Variants in ENOX2 observed in about 807,000 individuals in gnomAD.
ENOX2 encodes the protein ecto-NOX disulfide-thiol exchanger 2, also known as APK1 antigen.
Under a neutral mutation model 45.0 loss-of-function variants are expected in ENOX2, and 36 were observed. That is an observed-to-expected ratio of 0.80 (90% CI 0.61 to 1.06). The LOEUF (loss-of-function observed/expected upper bound fraction) is 1.06. Among genes scored for constraint, ENOX2 ranks in the 50% least tolerant of loss-of-function variants. ENOX2 has a pLI of 0.00. For synonymous variants in ENOX2, 174 were observed against 152.3 expected (o/e 1.14, Z -1.05); for missense variants, 423 against 462.5 (o/e 0.91, Z 0.78).
chrX:130,667,477 G>A lies in ENOX2; in HGVS notation c.907+53C>T, dbSNP rs2036863390. The A allele has an allele frequency of 1.0e-5, 11 of 1,090,521 alleles. No homozygotes were observed. The Admixed American group carries it at 2.2e-4, about 22-fold the overall frequency. The allele number at this position is 1,090,521 out of a possible 1,213,427, so 89.9% of individuals were successfully genotyped here. ...GCCTGAGCTCCCATAGAGAGCAAGTGACTAAGTGAAGTGACTTATTCTCAT... is the reference window on the plus strand; with the variant it reads ...GCCTGAGCTCCCATAGAGAGCAAGTAACTAAGTGAAGTGACTTATTCTCAT... On this transcript the variant is annotated intron_variant, in intron 8 of 14. Transcript: ENST00000394363.
Position 130,665,701 on chromosome X carries a change from C to A in ENOX2, c.956G>T (p.Trp319Leu). 8.3e-7 allele frequency: 1 copy of A among 1,206,439 alleles called. No homozygotes were observed. The highest frequency in any genetic ancestry group is 1.1e-6 in the Non-Finnish European group (1 of 892,744). Residue 319 changes from tryptophan (W) to leucine (L), a missense_variant, in exon 9 of 15, where the codon TGG becomes TTG. By Grantham distance (61) the Trp-to-Leu change is moderately conservative (BLOSUM62 -2). This residue lies in a region of ENOX2 where 261 missense variants were observed against 306.8 expected (regional missense o/e 0.85). Transcript: ENST00000394363. ...VYHSASKQKAWDHFTKAQRKN... is the reference protein window; with the variant it reads ...VYHSASKQKALDHFTKAQRKN... ...CCGCTGGGCTTTTGTGAAGTGGTCC[C>A]ATGCCTTCTGCTTGGAGGCGGAATG...
Position 130,670,069 on chromosome X carries a change from C to T in ENOX2, c.590G>A (p.Arg197His), listed in dbSNP as rs745808039. The T allele has an allele frequency of 1.5e-5, 18 of 1,208,722 alleles. No individual in the cohort carries two copies. Among genetic ancestry groups the T allele is most frequent in the South Asian group, 3.5e-5 (2 of 56,760 alleles). Residue 197 changes from arginine to histidine, a missense_variant, in exon 7 of 15, where the codon CGC (arginine) becomes CAC (histidine). Physicochemically the swap from Arg to His is conservative, Grantham distance 29. Transcript: ENST00000394363. ...CKQRMLAREERHRRRMEEERL... is the reference protein window; with the variant it reads ...CKQRMLAREEHHRRRMEEERL... ...TTCTTCTTCCATTCTTCTACGATGG[C>T]GCTCCTCTCTGGCTAGCATACGCTG...
At chrX:130,835,963 T>C (rs2077921259) in intron 2 of ENOX2, among the ~76,000 whole-genome samples, 1 of 112,614 alleles carries the variant, frequency 8.9e-6, no homozygotes, top group Non-Finnish European at 1.9e-5. Context: ...CTTCCTGTGA[T>C]AGCAAATGGA....
rs772436394 is a variant in ENOX2, at chrX:130,657,109, A to G, written c.1015-414T>C. The stretch of plus-strand genomic sequence containing the variant: ...CTGTCTTTTTATAGTTTTACTCAAC[A>G]TAACTCTTAATTGAGTTTTTGTAGT... On this transcript the variant is annotated intron_variant, in intron 9 of 14. Coordinates refer to ENST00000394363, the MANE Select transcript of ENOX2 (RefSeq NM_006375.4). 5.4e-5 allele frequency among the ~76,000 whole-genome samples: 6 copies of G among 112,071 alleles called. No individual in the cohort carries two copies. The South Asian group carries it at 1.9e-3, about 35-fold the overall frequency.
intron 2 of ENOX2, among the ~76,000 whole-genome samples, chrX:130,889,214 C>T (rs865828682): frequency 6.0e-4 from 67 of 111,412 alleles, no homozygotes; most frequent in African/African-American, 2.0e-3. Flanking sequence ...CAGCCAAATC[C>T]CACATGTCCT....
At chrX:130,639,328 G>A (rs752584313) in intron 10 of ENOX2, among the ~76,000 whole-genome samples, 1 of 111,757 alleles carries the variant, frequency 8.9e-6, no homozygotes, top group African/African-American at 3.3e-5. Context: ...TGTGTGTGTG[G>A]GTGGGGGGTG....
intron 2 of ENOX2, among the ~76,000 whole-genome samples, chrX:130,819,926 G>C (rs958981327): frequency 1.8e-5 from 2 of 111,629 alleles, no homozygotes; most frequent in African/African-American, 6.5e-5. Context: ...TGATTTTAGG[G>C]ATAGGACCCC....
intron 3 of ENOX2, among the ~76,000 whole-genome samples, chrX:130,726,060 C>T (rs2038597230): frequency 1.8e-5 from 2 of 112,036 alleles, no homozygotes; most frequent in Admixed American, 1.9e-4. Flanking sequence ...ATCGTATATA[C>T]CTTACTGTCT....
In ENOX2 at chrX:130,637,415, C is replaced by A; in HGVS notation, c.1130-5G>T. On this transcript the variant is annotated splice_polypyrimidine_tract_variant and splice_region_variant and intron_variant, in intron 10 of 14. Coordinates refer to ENST00000394363, the MANE Select transcript of ENOX2 (RefSeq NM_006375.4). ...CTTCTGCCTGTGATACTAAGGCTAACAATCAATATAAAATATGAAACCATA... is the reference window on the plus strand; with the variant it reads ...CTTCTGCCTGTGATACTAAGGCTAAAAATCAATATAAAATATGAAACCATA... The A allele has an allele frequency of 1.7e-6, 2 of 1,191,487 alleles. No individual in the cohort carries two copies. Among genetic ancestry groups the A allele is most frequent in the Non-Finnish European group, 2.3e-6 (2 of 879,598 alleles).
intron 3 of ENOX2, among the ~76,000 whole-genome samples, chrX:130,763,613 AATCC>A (rs1440397460): frequency 9.0e-6 from 1 of 111,070 alleles, no homozygotes; most frequent in Non-Finnish European, 1.9e-5. Context: ...TCACACCTGT[AATCC>A]TAGCACTTTG....
Position 130,787,988 on chromosome X carries a change from T to C in ENOX2, c.-182-4298A>G, listed in dbSNP as rs193185524. 1.8e-3 allele frequency among the ~76,000 whole-genome samples: 198 copies of C among 112,120 alleles called. 1 individual carries two copies. The highest frequency in any genetic ancestry group is 5.9e-3 in the African/African-American group (183 of 30,924). Reference sequence around the variant, plus strand: ...GGATGAAAGAGACAGCAAAATCCTATGACACCAGTGCTTCCTAGCTACTTT... The same window carrying C: ...GGATGAAAGAGACAGCAAAATCCTACGACACCAGTGCTTCCTAGCTACTTT... On this transcript the variant is annotated intron_variant, in intron 2 of 14. Coordinates refer to ENST00000394363, the MANE Select transcript of ENOX2 (RefSeq NM_006375.4).
intron 10 of ENOX2, chrX:130,645,785 G>C: frequency 4.9e-6 from 4 of 819,217 alleles, no homozygotes; most frequent in Non-Finnish European, 7.2e-6. Context: ...TTCTCGTCCT[G>C]GTCTTTGGGC....
At chrX:130,873,665 C>T (rs1276993538) in intron 2 of ENOX2, among the ~76,000 whole-genome samples, 1 of 111,887 alleles carries the variant, frequency 8.9e-6, no homozygotes, top group East Asian at 2.8e-4. Flanking sequence ...AAATGATAGA[C>T]TGGATAAAGA....
chrX:130,790,391 C>T (rs1485474848), intron 2 of ENOX2, among the ~76,000 whole-genome samples: 1 of 112,014 alleles, frequency 8.9e-6, no homozygotes, highest in Non-Finnish European at 1.9e-5. Context: ...ATAAAAAGGC[C>T]GCATCCATTT....
intron 2 of ENOX2, among the ~76,000 whole-genome samples, chrX:130,804,920 C>T (rs2077276435): frequency 9.0e-6 from 1 of 111,296 alleles, no homozygotes; most frequent in South Asian, 3.8e-4. Flanking sequence ...GAAACCTAAT[C>T]CCCAAGGGTG....
At chrX:130,714,098 T>C (rs1439678262) in intron 3 of ENOX2, among the ~76,000 whole-genome samples, 1 of 111,588 alleles carries the variant, frequency 9.0e-6, no homozygotes, top group Non-Finnish European at 1.9e-5. Flanking sequence ...CTTGGAAGTC[T>C]GGCAAGATCT....
At chrX:130,774,626 A>C (rs2039811131) in intron 3 of ENOX2, among the ~76,000 whole-genome samples, 1 of 112,204 alleles carries the variant, frequency 8.9e-6, no homozygotes, top group East Asian at 2.8e-4. Flanking sequence ...GTGGAAGAGA[A>C]GGGAAAGCTT....
rs147772906 is a variant in ENOX2, at chrX:130,644,410, A to G, written c.1130-7000T>C. ...TTAGCATTTATCCAAATGAACTAAA[A>G]ACTTGTGTCCACACAAAAATCTGCA... On this transcript the variant is annotated intron_variant, in intron 10 of 14. Coordinates refer to ENST00000394363, the MANE Select transcript of ENOX2 (RefSeq NM_006375.4). Among the ~76,000 whole-genome samples, 93 of 112,342 alleles carry G rather than the reference A, an allele frequency of 8.3e-4. 2 individuals carry two copies. The East Asian group carries it at 0.024, about 29-fold the overall frequency.
intron 2 of ENOX2, among the ~76,000 whole-genome samples, chrX:130,878,972 T>A (rs2078757158): frequency 8.9e-6 from 1 of 112,622 alleles, no homozygotes; most frequent in Admixed American, 9.4e-5. Flanking sequence ...CTTATTGTCA[T>A]TTTTATTAAA....
Sources: gnomAD v4.1 joint callset for allele counts (sites outside exome capture counted in the v4.1 genomes callset) on GRCh38, gnomAD v4.1.1 for gene constraint, gnomAD v4.1.1 regional missense constraint, MANE v1.5 for transcripts, NCBI Gene and HGNC (gene_info 2026-07-23, HGNC 2026-07-21) for gene names.